PDE7B: variants seen among roughly 807,000 people sequenced by gnomAD.
PDE7B encodes the protein phosphodiesterase 7B.
A neutral mutation model predicts 56.2 loss-of-function variants in PDE7B; 29 were observed. That is an observed-to-expected ratio of 0.52 (90% CI 0.38 to 0.70). The LOEUF is 0.70. PDE7B is among the 30% of genes least tolerant of loss of function. The pLI is 0.00. For synonymous variants in PDE7B, 197 were observed against 196.9 expected (o/e 1.00, Z 0.00); for missense variants, 490 against 565.0 (o/e 0.87, Z 1.35).
At chr6:136,105,253 C>T (rs1777628572) in intron 2 of PDE7B, among the ~76,000 whole-genome samples, 1 of 152,144 alleles carries the variant, frequency 6.6e-6, no homozygotes. Context: ...ATCATCATGA[C>T]TGTACATTTG....
At chr6:136,005,669 C>T (rs962135489) in intron 2 of PDE7B, among the ~76,000 whole-genome samples, 21 of 152,206 alleles carry the variant, frequency 1.4e-4, no homozygotes, top group African/African-American at 4.1e-4. Flanking sequence ...TGTCTCACAC[C>T]AGTTAGAATG....
chr6:136,001,273 A>T (rs1164826568), intron 2 of PDE7B, among the ~76,000 whole-genome samples: 2 of 152,238 alleles, frequency 1.3e-5, no homozygotes, highest in African/African-American at 2.4e-5. Flanking sequence ...AAAAACTGGA[A>T]ACTCTAAAAA....
intron 1 of PDE7B, among the ~76,000 whole-genome samples, chr6:135,893,991 A>C (rs970051301): frequency 1.3e-5 from 2 of 152,206 alleles, no homozygotes; most frequent in African/African-American, 4.8e-5. Flanking sequence ...ATATTCATGC[A>C]TAATTTATAT....
At chr6:135,966,380 T>TA (rs1053920680) in intron 2 of PDE7B, among the ~76,000 whole-genome samples, 2 of 152,122 alleles carry the variant, frequency 1.3e-5, no homozygotes, top group Non-Finnish European at 2.9e-5. Flanking sequence ...CTAGTTTTAC[T>TA]AAAAAACAAA....
chr6:136,190,674 A>T (rs1779207919), intron 12 of PDE7B, among the ~76,000 whole-genome samples: 1 of 152,204 alleles, frequency 6.6e-6, no homozygotes, highest in Admixed American at 6.5e-5. Context: ...TGAAAAGCAC[A>T]TTAACGCGGC....
chr6:136,049,445 A>G (rs1432421660), intron 2 of PDE7B: 4 of 151,878 alleles, frequency 2.6e-5, no homozygotes, highest in Non-Finnish European at 5.9e-5. Flanking sequence ...ACTAGATGCC[A>G]CTGGATGGAT....
intron 11 of PDE7B, among the ~76,000 whole-genome samples, chr6:136,183,417 C>A (rs1779098336): frequency 6.6e-6 from 1 of 151,664 alleles, no homozygotes; most frequent in African/African-American, 2.4e-5. Context: ...CACGGTGAAA[C>A]CCCGTCTCTA....
intron 1 of PDE7B, among the ~76,000 whole-genome samples, chr6:135,860,668 G>C (rs1394206268): frequency 6.6e-6 from 1 of 151,974 alleles, no homozygotes; most frequent in Non-Finnish European, 1.5e-5. Flanking sequence ...ATTCTTGAGA[G>C]AATGGAATGA....
intron 1 of PDE7B, among the ~76,000 whole-genome samples, chr6:135,918,022 G>A (rs375921434): frequency 1.0e-3 from 155 of 152,290 alleles, no homozygotes; most frequent in African/African-American, 3.6e-3. Context: ...TTTTTCCCTG[G>A]ACATGAACGA....
chr6:135,989,137 C>T lies in PDE7B; in HGVS notation c.82+41613C>T, dbSNP rs6936975. Among the ~76,000 whole-genome samples the T allele has an allele frequency of 3.6e-3, 541 of 152,118 alleles. 3 individuals are homozygous for T. The highest frequency in any genetic ancestry group is 0.013 in the African/African-American group (522 of 41,476). On this transcript the variant is annotated intron_variant, in intron 2 of 12. Transcript: ENST00000308191. ...ATTAAGTTCTATGTAATTAAACCAA[C>T]GGAAAATACAAACAACCTAAAAGAT...
intron 1 of PDE7B, among the ~76,000 whole-genome samples, chr6:135,863,683 T>C (rs1469783472): frequency 6.8e-6 from 1 of 146,934 alleles, no homozygotes; most frequent in African/African-American, 2.6e-5. Flanking sequence ...TAGTAAAACA[T>C]CCCTTCCAAT....
intron 3 of PDE7B, chr6:136,115,032 T>C (rs1287969187): frequency 6.6e-6 from 1 of 152,160 alleles, no homozygotes; most frequent in Non-Finnish European, 1.5e-5. Flanking sequence ...TCCCTATTAC[T>C]ACCCCTCGAC....
chr6:136,085,103 T>A (rs1432229069), intron 2 of PDE7B, among the ~76,000 whole-genome samples: 1 of 152,180 alleles, frequency 6.6e-6, no homozygotes, highest in Non-Finnish European at 1.5e-5. Context: ...GTTTTTCCCA[T>A]CCTAGTCGAG....
chr6:136,104,248 A>T (rs1223206067), intron 2 of PDE7B, among the ~76,000 whole-genome samples: 10 of 152,192 alleles, frequency 6.6e-5, no homozygotes, highest in African/African-American at 2.2e-4. Context: ...CACAATAAGA[A>T]CAGACTGGGG....
At chr6:136,092,822 A>C (rs1777411597) in intron 2 of PDE7B, among the ~76,000 whole-genome samples, 2 of 152,210 alleles carry the variant, frequency 1.3e-5, no homozygotes, top group Admixed American at 6.5e-5. Context: ...CAAGGGGTAC[A>C]AAGTCTCAGA....
At chr6:136,029,873 G>C (rs373870755) in intron 2 of PDE7B, among the ~76,000 whole-genome samples, 5 of 151,942 alleles carry the variant, frequency 3.3e-5, no homozygotes, top group East Asian at 3.8e-4. Flanking sequence ...AAACAAAAAG[G>C]GTCCAGTAGG....
chr6:136,096,827 C>T (rs1360860852), intron 2 of PDE7B, among the ~76,000 whole-genome samples: 4 of 152,020 alleles, frequency 2.6e-5, no homozygotes, highest in Non-Finnish European at 4.4e-5. Flanking sequence ...TTCCTTGTTC[C>T]CCAATTCCAT....
intron 2 of PDE7B, among the ~76,000 whole-genome samples, chr6:136,063,065 A>G (rs923505560): frequency 1.3e-5 from 2 of 152,232 alleles, no homozygotes; most frequent in African/African-American, 4.8e-5. Flanking sequence ...CTTTAATTGA[A>G]TATTTGCTAG....
intron 2 of PDE7B, among the ~76,000 whole-genome samples, chr6:135,978,916 T>C (rs1775241771): frequency 6.6e-6 from 1 of 151,920 alleles, no homozygotes; most frequent in Admixed American, 6.6e-5. Flanking sequence ...AACACTATGT[T>C]GAATAGGAGT....
Sources: gnomAD v4.1 joint callset for allele counts (sites outside exome capture counted in the v4.1 genomes callset) on GRCh38, gnomAD v4.1.1 for gene constraint, MANE v1.5 for transcripts, NCBI Gene and HGNC (gene_info 2026-07-23, HGNC 2026-07-21) for gene names.